The following WRN variants were observed in gnomAD, a reference collection of about 807,000 sequenced individuals.
WRN encodes the protein bifunctional 3'-5' exonuclease/ATP-dependent helicase WRN.
A neutral mutation model predicts 180.7 loss-of-function variants in WRN; 149 were observed. The ratio of observed to expected loss-of-function variants is 0.82; its 90% CI spans 0.72 to 0.94. WRN has a LOEUF of 0.94. Ranked by LOEUF, WRN falls within the 40% of genes least tolerant of loss-of-function variation. WRN has a pLI of 0.00. For missense variants in WRN, 1,661 were observed against 1,700.1 expected, an observed-to-expected ratio of 0.98 and a Z score of 0.40; for synonymous variants, 548 against 568.9, an observed-to-expected ratio of 0.96 and a Z score of 0.52.
intron 1 of WRN, among the ~76,000 whole-genome samples, chr8:31,045,525 C>T (rs1342079681): frequency 6.6e-6 from 1 of 151,970 alleles, no homozygotes; most frequent in Admixed American, 6.6e-5. Context: ...GCCTCAGCCT[C>T]CCTAGTAGAT....
chr8:31,120,457 A>T (rs1417115069), intron 21 of WRN, 33 bp downstream of exon 21: 1 of 1,586,710 alleles, frequency 6.3e-7, no homozygotes, highest in Non-Finnish European at 8.6e-7. Flanking sequence ...ACTCTTGCAG[A>T]TTTCTTTCTT....
intron 30 of WRN, 80 bp from the exon 31 acceptor site, chr8:31,150,261 A>G: frequency 8.8e-7 from 1 of 1,132,198 alleles, no homozygotes; most frequent in East Asian, 2.4e-5. Context: ...GAAGCTGAAC[A>G]TCAGCTATAT....
At chr8:31,124,417 G>C in intron 21 of WRN, 105 bp from the exon 22 acceptor site, 1 of 869,100 alleles carries the variant, frequency 1.2e-6, no homozygotes, top group Non-Finnish European at 1.8e-6. Flanking sequence ...ATGGGGTGTG[G>C]GTTTTGTAGA....
intron 1 of WRN, among the ~76,000 whole-genome samples, chr8:31,057,022 A>G (rs968943957): frequency 1.3e-5 from 2 of 152,184 alleles, no homozygotes; most frequent in Admixed American, 6.5e-5. Flanking sequence ...TTCCCAGTGT[A>G]CAATAGCGAT....
intron 26 of WRN, among the ~76,000 whole-genome samples, chr8:31,141,980 C>T (rs1802656329): frequency 2.6e-5 from 4 of 151,442 alleles, no homozygotes. Context: ...GACAGAGTCT[C>T]TCTGTGTTGC....
At chr8:31,066,577 G>C (rs1812713912) in intron 5 of WRN, among the ~76,000 whole-genome samples, 1 of 151,624 alleles carries the variant, frequency 6.6e-6, no homozygotes, top group African/African-American at 2.4e-5. Context: ...TTTAATCCAT[G>C]TATACCAGTA....
At chr8:31,068,442 T>A (rs995416703) in intron 7 of WRN, 115 bp downstream of exon 7, 4 of 845,630 alleles carry the variant, frequency 4.7e-6, no homozygotes, top group African/African-American at 3.4e-5. Context: ...CTTGAATGTC[T>A]GAGCAGTCCT....
intron 5 of WRN, among the ~76,000 whole-genome samples, chr8:31,065,560 A>G (rs1417275218): frequency 1.3e-5 from 2 of 152,168 alleles, no homozygotes; most frequent in Non-Finnish European, 2.9e-5. Flanking sequence ...TGCAAAGGAC[A>G]TGATCTTATT....
intron 1 of WRN, among the ~76,000 whole-genome samples, chr8:31,041,679 G>GT (rs1445956351): frequency 6.6e-6 from 1 of 152,174 alleles, no homozygotes; most frequent in African/African-American, 2.4e-5. Flanking sequence ...GAGATATGAA[G>GT]TTTAAGTGGA....
At chr8:31,150,491 T>C (rs1301999613) in intron 31 of WRN, 36 bp downstream of exon 31, 1 of 1,586,276 alleles carries the variant, frequency 6.3e-7, no homozygotes, top group African/African-American at 1.3e-5. Context: ...TCTTAGAGAA[T>C]AAGCATTTTT....
intron 8 of WRN, among the ~76,000 whole-genome samples, chr8:31,078,242 G>A (rs1813169009): frequency 6.6e-6 from 1 of 152,140 alleles, no homozygotes; most frequent in African/African-American, 2.4e-5. Context: ...TGGGTCTTGT[G>A]AAGTTTTAGT....
At chr8:31,042,252 G>C (rs547725341) in intron 1 of WRN, among the ~76,000 whole-genome samples, 97 of 152,276 alleles carry the variant, frequency 6.4e-4, no homozygotes, top group Non-Finnish European at 9.8e-4. Context: ...GATCACTGGA[G>C]GAGGGCTGGT....
intron 1 of WRN, among the ~76,000 whole-genome samples, chr8:31,053,922 A>G (rs975333890): frequency 5.9e-5 from 9 of 152,240 alleles, no homozygotes; most frequent in African/African-American, 2.2e-4. Context: ...TCATCAGAAT[A>G]AATTAACATG....
At chr8:31,036,287 C>T (rs74511488) in intron 1 of WRN, among the ~76,000 whole-genome samples, 1 of 152,154 alleles carries the variant, frequency 6.6e-6, no homozygotes, top group African/African-American at 2.4e-5. Context: ...TAGCTTGATT[C>T]CATATTCTGG....
In WRN at chr8:31,141,544, T is replaced by C; in HGVS notation, c.3082T>C (p.Leu1028=). 1 of 1,614,232 alleles carries C rather than the reference T, an allele frequency of 6.2e-7. No individual in the cohort carries two copies. The highest frequency in any genetic ancestry group is 8.5e-7 in the Non-Finnish European group (1 of 1,180,052). The change falls in exon 25 of 35, where the codon TTG becomes CTG. Residue 1028 remains leucine (L), a synonymous_variant. Coordinates refer to ENST00000298139, the MANE Select transcript of WRN (RefSeq NM_000553.6). ...FSRQLITEGF[L]VEVSRYNKFM... ...CCGTCAGCTGATCACTGAGGGATTC[T>C]TGGTAGAAGTTTCTCGGTATAACAA...
chr8:31,085,198 G>A lies in WRN; in HGVS notation c.1383G>A (p.Thr461=), dbSNP rs542602723. 24 of 1,612,530 alleles carry A rather than the reference G, an allele frequency of 1.5e-5. No homozygotes were observed. The highest frequency in any genetic ancestry group is 1.6e-4 in the Middle Eastern group (1 of 6,068). The change falls in exon 11 of 35, where the codon ACG becomes ACA. Residue 461 remains threonine (T), a synonymous_variant. Coordinates refer to ENST00000298139, the MANE Select transcript of WRN (RefSeq NM_000553.6). ...HLSPNDNEND[T]SYVIESDEDL... is the part of the protein sequence containing the mutation. The stretch of plus-strand genomic sequence containing the variant: ...CTCCCAATGATAATGAAAACGATAC[G>A]TCCTATGTAATTGAGAGTGATGAAG...
At chr8:31,134,128 G>A (rs763992607) in intron 24 of WRN, among the ~76,000 whole-genome samples, 47 of 152,130 alleles carry the variant, frequency 3.1e-4, no homozygotes, top group Non-Finnish European at 6.3e-4. Flanking sequence ...TAAATGCAAT[G>A]AAAATAAGGC....
At chr8:31,045,455 T>C in intron 1 of WRN, among the ~76,000 whole-genome samples, 1 of 150,990 alleles carries the variant, frequency 6.6e-6, no homozygotes, top group Non-Finnish European at 1.5e-5. Flanking sequence ...CAGGCTGGAG[T>C]GCAATGGCAT....
At chr8:31,132,979 C>T (rs1802245574) in intron 24 of WRN, among the ~76,000 whole-genome samples, 2 of 152,064 alleles carry the variant, frequency 1.3e-5, no homozygotes. Flanking sequence ...CTTCTGTTTC[C>T]TATCAGAAGT....
Sources: allele counts gnomAD v4.1 joint callset (sites outside exome capture counted in the v4.1 genomes callset), GRCh38; gene constraint gnomAD v4.1.1; transcripts MANE v1.5; gene names NCBI Gene and HGNC (gene_info 2026-07-23, HGNC 2026-07-21).